PTPN23: variants seen among roughly 807,000 people sequenced by gnomAD.
PTPN23 encodes the protein tyrosine-protein phosphatase non-receptor type 23.
In PTPN23, 72 loss-of-function variants were observed where a neutral mutation model predicts 156.3. That is an observed-to-expected ratio of 0.46 (90% CI 0.38 to 0.56). The LOEUF (loss-of-function observed/expected upper bound fraction) is 0.56, where lower values mean the gene tolerates loss of function less well. Ranked by LOEUF, PTPN23 falls within the 20% of genes least tolerant of loss-of-function variation. PTPN23 has a pLI of 0.00. For synonymous variants in PTPN23, 957 were observed against 899.6 expected (o/e 1.06, Z -1.14); for missense variants, 1,974 against 2,171.5 (o/e 0.91, Z 1.81).
rs1347801533 is a variant in PTPN23, at chr3:47,412,817, T to TC, written c.4547dup (p.Val1517GlyfsTer38). The TC allele has an allele frequency of 6.2e-7, 1 of 1,613,044 alleles. No homozygotes were observed. Among genetic ancestry groups the TC allele is most frequent in the East Asian group, 2.2e-5 (1 of 44,858 alleles). On this transcript the variant is annotated frameshift_variant, in exon 25 of 25. Transcript: ENST00000265562. LOFTEE classifies it high-confidence loss of function. ...CATTCGGCCTCCTGGGGGGTTGGAG[T>TC]CCCCGGTTGCCAGCTTGCCAGGCCC...
At chr3:47,387,045 G>A (rs1433029448) in intron 1 of PTPN23, among the ~76,000 whole-genome samples, 1 of 152,198 alleles carries the variant, frequency 6.6e-6, no homozygotes, top group Non-Finnish European at 1.5e-5. Flanking sequence ...AGACAGGCAA[G>A]GGGCCATTCA....
Position 47,411,665 on chromosome 3 carries a change from T to G in PTPN23, c.3867T>G (p.Val1289=). Residue 1289 remains valine (V), a synonymous_variant, in exon 20 of 25, where the codon GTT becomes GTG. Transcript: ENST00000265562. The surrounding 1 kb of genome is among the most constrained non-coding windows in gnomAD (Gnocchi z 6.3). The part of the protein sequence containing the change: ...EQKVSVIVML[V]SEAEMEKQKV... ...AAGTGTCAGTCATTGTCATGCTGGT[T>G]TCTGAGGCTGAGATGGAGAAGGTGA... 1 of 1,604,332 alleles carries G rather than the reference T, an allele frequency of 6.2e-7. No individual in the cohort carries two copies.
rs368522273 is a variant in PTPN23 at position 47,412,585 on chromosome 3, T to G, written c.4389T>G (p.Pro1463=). ...AGGTCCTGCAGCGCCATGGTGTGCC[T>G]CCTCCATGCAAACCCTTGGCCAGTG... ...VEQVLQRHGV[P]PPCKPLASAS... The change falls in exon 24 of 25, where the codon CCT becomes CCG. Residue 1463 remains proline, a synonymous_variant. Transcript: ENST00000265562. 12 of 1,613,448 alleles carry G rather than the reference T, an allele frequency of 7.4e-6. 1 individual carries two copies. Among genetic ancestry groups the G allele is most frequent in the African/African-American group, 6.7e-5 (5 of 74,880 alleles).
At position 47,410,837 on chromosome 3, in the gene PTPN23, C is replaced by G. The variant is rs750337667; in HGVS notation, c.3039C>G (p.Pro1013=). Residue 1013 remains proline, a synonymous_variant, in exon 20 of 25, where the codon CCC becomes CCG. Transcript: ENST00000265562. ...GGGTCCTGGGGCAGCCGCCACCCCC[C>G]CTACACACCCAGCTCTACCCAGGTC... ...QPGVLGQPPP[P]LHTQLYPGPA... is the part of the protein sequence containing the mutation. The G allele has an allele frequency of 2.2e-5, 36 of 1,604,062 alleles. No individual in the cohort carries two copies. The highest frequency in any genetic ancestry group is 2.6e-5 in the Non-Finnish European group (30 of 1,172,582).
At position 47,410,458 on chromosome 3, in the gene PTPN23, T is replaced by C. The variant is rs1705246969; in HGVS notation, c.2660T>C (p.Ile887Thr). Residue 887 changes from isoleucine (I) to threonine (T), a missense_variant, in exon 20 of 25, where the codon ATC (isoleucine) becomes ACC (threonine). Ile to Thr is a moderately conservative substitution (Grantham distance 89, BLOSUM62 -1). Coordinates refer to ENST00000265562, the MANE Select transcript of PTPN23 (RefSeq NM_015466.4). ...VRPATTTVDS[I>T]QAPIPSHTAP... ...CCAGCCACCACCACAGTAGATAGCA[T>C]CCAGGCGCCCATCCCCAGCCACACA... The C allele has an allele frequency of 6.2e-7, 1 of 1,610,976 alleles. No homozygotes were observed. The highest frequency in any genetic ancestry group is 8.5e-7 in the Non-Finnish European group (1 of 1,179,070).
intron 2 of PTPN23, among the ~76,000 whole-genome samples, chr3:47,401,347 C>T (rs976319216): frequency 6.6e-6 from 1 of 152,114 alleles, no homozygotes; most frequent in Non-Finnish European, 1.5e-5. Flanking sequence ...GCTGGGACTA[C>T]AGGTATGCAT....
In PTPN23 at chr3:47,408,924, G is replaced by A. The variant is rs1489550227; in HGVS notation, c.1479G>A (p.Glu493=). 2 of 1,614,246 alleles carry A rather than the reference G, an allele frequency of 1.2e-6. No homozygotes were observed. Among genetic ancestry groups the A allele is most frequent in the South Asian group, 2.2e-5 (2 of 91,088 alleles). Residue 493 remains glutamate, a synonymous_variant, in exon 16 of 25, where the codon GAG becomes GAA. Transcript: ENST00000265562. The part of the protein sequence containing the change: ...ISITSKAELA[E]VRREWAKYME... ...TCACCTCCAAGGCTGAGCTGGCAGAGGTGAGGCGAGAATGGGCCAAGTACA... is the reference window on the plus strand; with the variant it reads ...TCACCTCCAAGGCTGAGCTGGCAGAAGTGAGGCGAGAATGGGCCAAGTACA...
intron 1 of PTPN23, among the ~76,000 whole-genome samples, chr3:47,383,795 C>T (rs1259787296): frequency 6.6e-6 from 1 of 152,226 alleles, no homozygotes; most frequent in East Asian, 1.9e-4. Context: ...CTCATTAGCC[C>T]TTTAGCCCGA....
In PTPN23 at chr3:47,410,735, G is replaced by T; in HGVS notation, c.2937G>T (p.Gln979His). The T allele has an allele frequency of 6.4e-7, 1 of 1,566,786 alleles. No individual in the cohort carries two copies. The highest frequency in any genetic ancestry group is 8.6e-7 in the Non-Finnish European group (1 of 1,157,844). Reference sequence around the variant, plus strand: ...CCCCACAGCAGCCCCTTCCACTCCAGCATCCACATCTCTTCCCACCCCAGG... The same window carrying T: ...CCCCACAGCAGCCCCTTCCACTCCATCATCCACATCTCTTCCCACCCCAGG... ...PQPPQQPLPL[Q>H]HPHLFPPQAP... The change falls in exon 20 of 25, where the codon CAG (glutamine) becomes CAT (histidine). Residue 979 changes from glutamine (Q) to histidine (H), a missense_variant. Gln to His is a conservative substitution (Grantham distance 24). This residue lies in a region of PTPN23 where 731 missense variants were observed against 669.1 expected (regional missense o/e 1.09). Coordinates refer to ENST00000265562, the MANE Select transcript of PTPN23 (RefSeq NM_015466.4).
intron 1 of PTPN23, among the ~76,000 whole-genome samples, chr3:47,393,234 C>T (rs1402360742): frequency 1.3e-5 from 2 of 152,090 alleles, no homozygotes; most frequent in East Asian, 1.9e-4. Flanking sequence ...CTCACTGCAA[C>T]CTCCCCCTCC....
Position 47,407,465 on chromosome 3 carries a change from C to T in PTPN23, c.924-40C>T, listed in dbSNP as rs543599825. The T allele has an allele frequency of 8.1e-6, 13 of 1,607,522 alleles. No individual in the cohort carries two copies. In the East Asian group the frequency reaches 2.0e-4, roughly 25 times the overall value. On this transcript the variant is annotated intron_variant, in intron 11 of 24. Transcript: ENST00000265562. The surrounding 1 kb of genome is among the most constrained non-coding windows in gnomAD (Gnocchi z 4.0). Reference sequence around the variant, plus strand: ...GAAGTAGGTTCTGGATCCCCACTGACACCCCGTGACTGCCCACTCCCCCTG... The same window carrying T: ...GAAGTAGGTTCTGGATCCCCACTGATACCCCGTGACTGCCCACTCCCCCTG...
In PTPN23 at chr3:47,411,178, A is replaced by G; in HGVS notation, c.3380A>G (p.Gln1127Arg). ...ADLLSSSPES[Q>R]HGGTQSPGGG... ...CTGCTCTCCTCCAGCCCGGAGAGCC[A>G]GCATGGCGGCACTCAGTCTCCTGGG... Residue 1127 changes from glutamine to arginine, a missense_variant, in exon 20 of 25, where the codon CAG (glutamine) becomes CGG (arginine). Gln to Arg is a conservative substitution (Grantham distance 43, BLOSUM62 1). This residue lies in a region of PTPN23 where 731 missense variants were observed against 669.1 expected (regional missense o/e 1.09). Coordinates refer to ENST00000265562, the MANE Select transcript of PTPN23 (RefSeq NM_015466.4). The surrounding 1 kb of genome is among the most constrained non-coding windows in gnomAD (Gnocchi z 6.3). 1 of 1,603,636 alleles carries G rather than the reference A, an allele frequency of 6.2e-7. No homozygotes were observed. Among genetic ancestry groups the G allele is most frequent in the Non-Finnish European group, 8.5e-7 (1 of 1,177,226 alleles).
At chr3:47,389,764 C>T (rs1021566525) in intron 1 of PTPN23, among the ~76,000 whole-genome samples, 12 of 142,586 alleles carry the variant, frequency 8.4e-5, no homozygotes, top group South Asian at 2.3e-4. Flanking sequence ...GGCGTGAACC[C>T]GGGGGGGTGG....
In PTPN23 at chr3:47,405,771, G is replaced by A; in HGVS notation, c.387G>A (p.Gly129=). 6.3e-7 allele frequency: 1 copy of A among 1,595,818 alleles called. No individual in the cohort carries two copies. The highest frequency in any genetic ancestry group is 8.5e-7 in the Non-Finnish European group (1 of 1,171,770). Residue 129 remains glycine (G), a synonymous_variant, in exon 5 of 25, where the codon GGG becomes GGA. Coordinates refer to ENST00000265562, the MANE Select transcript of PTPN23 (RefSeq NM_015466.4). This position sits in a 1 kb window ranked among gnomAD's most constrained non-coding sequence, Gnocchi z 4.7. Reference sequence around the variant, plus strand: ...CAGGAGCGCTGCACTCCATGCTGGGGGCCATGGACAAGCGGGTGTCTGAGG... The same window carrying A: ...CAGGAGCGCTGCACTCCATGCTGGGAGCCATGGACAAGCGGGTGTCTGAGG... ...YNLGALHSML[G]AMDKRVSEEG... is the part of the protein sequence containing the mutation.
chr3:47,398,564 GTT>G (rs869164190), intron 2 of PTPN23, among the ~76,000 whole-genome samples: 1 of 143,116 alleles, frequency 7.0e-6, no homozygotes, highest in Non-Finnish European at 1.5e-5. Flanking sequence ...TAAACTTAAA[GTT>G]TTTTTTTTTT....
chr3:47,396,778 T>G (rs777806068), intron 2 of PTPN23, among the ~76,000 whole-genome samples: 1 of 152,006 alleles, frequency 6.6e-6, no homozygotes, highest in Admixed American at 6.6e-5. Context: ...CAAAAAAAAT[T>G]AGCCAGGCAT....
chr3:47,407,324 G>A lies in PTPN23; in HGVS notation c.880G>A (p.Val294Met), dbSNP rs767248484. Residue 294 changes from valine (V) to methionine (M), a missense_variant, in exon 11 of 25, where the codon GTG (valine) becomes ATG (methionine). Transcript: ENST00000265562. The surrounding 1 kb of genome is among the most constrained non-coding windows in gnomAD (Gnocchi z 4.0). ...IKLAKGQPDT[V>M]QDALRFTMDV... ...AACCCCACAGGGCCAGCCTGACACTGTGCAAGACGCGCTTCGCTTCACTAT... is the reference window on the plus strand; with the variant it reads ...AACCCCACAGGGCCAGCCTGACACTATGCAAGACGCGCTTCGCTTCACTAT... The A allele has an allele frequency of 2.5e-6, 4 of 1,614,036 alleles. No individual in the cohort carries two copies. Among genetic ancestry groups the A allele is most frequent in the Non-Finnish European group, 3.4e-6 (4 of 1,179,962 alleles).
chr3:47,408,697 G>T, intron 15 of PTPN23, 79 bp from the exon 16 acceptor site: 1 of 1,512,444 alleles, frequency 6.6e-7, no homozygotes, highest in Non-Finnish European at 8.9e-7. Flanking sequence ...TGAGGGGGCG[G>T]TTCTGTCTCT....
At chr3:47,403,377 C>G (rs1559523407) in intron 2 of PTPN23, among the ~76,000 whole-genome samples, 2 of 151,688 alleles carry the variant, frequency 1.3e-5, no homozygotes, top group Non-Finnish European at 2.9e-5. Context: ...TTTTTTCCCC[C>G]AATAGCATGC....
Sources: allele counts gnomAD v4.1 joint callset (sites outside exome capture counted in the v4.1 genomes callset), GRCh38; gene constraint gnomAD v4.1.1; regional missense constraint gnomAD v4.1.1; non-coding constraint Gnocchi (gnomAD v3.1); transcripts MANE v1.5; gene names NCBI Gene and HGNC (gene_info 2026-07-23, HGNC 2026-07-21).